The following CSMD1 variants were observed in gnomAD, a reference collection of about 807,000 sequenced individuals.
CSMD1 encodes CUB and sushi domain-containing protein 1.
A neutral mutation model predicts 417.5 loss-of-function variants in CSMD1; 213 were observed. The observed-to-expected ratio is 0.51, with a 90% confidence interval of 0.46 to 0.57. CSMD1 has a LOEUF of 0.57. CSMD1 is among the 20% of genes least tolerant of loss of function. CSMD1 has a pLI of 0.00. For synonymous variants in CSMD1, 2,862 were observed against 1,736.8 expected (o/e 1.65, Z -16.11); for missense variants, 6,923 against 4,529.7 (o/e 1.53, Z -15.17).
intron 3 of CSMD1, among the ~76,000 whole-genome samples, chr8:4,397,470 G>A (rs1396373482): frequency 6.7e-6 from 1 of 150,098 alleles, no homozygotes; most frequent in African/African-American, 2.5e-5. Context: ...TCTGTTGCAG[G>A]GTTTTCATGA....
At chr8:3,914,198 G>T (rs1005900310) in intron 5 of CSMD1, among the ~76,000 whole-genome samples, 3 of 152,218 alleles carry the variant, frequency 2.0e-5, no homozygotes, top group African/African-American at 7.2e-5. Context: ...CCCCCAAAAA[G>T]AGGTAAGTAA....
At chr8:3,180,301 G>T (rs1346102172) in intron 37 of CSMD1, among the ~76,000 whole-genome samples, 4 of 152,152 alleles carry the variant, frequency 2.6e-5, no homozygotes, top group Non-Finnish European at 4.4e-5. Context: ...AGAGTCGACT[G>T]TGCGATGCCT....
At chr8:3,629,823 C>T (rs75232787) in intron 7 of CSMD1, among the ~76,000 whole-genome samples, 4,036 of 152,222 alleles carry the variant, frequency 0.027, 82 homozygotes, top group Middle Eastern at 0.078. Context: ...AACTTCGGTC[C>T]GTCAGAAACA....
chr8:4,967,138 G>A (rs998687655), intron 1 of CSMD1, among the ~76,000 whole-genome samples: 3 of 152,100 alleles, frequency 2.0e-5, no homozygotes, highest in African/African-American at 7.2e-5. Flanking sequence ...TCATTCAAAG[G>A]AAGAGACTCC....
intron 3 of CSMD1, among the ~76,000 whole-genome samples, chr8:4,378,722 G>A (rs1312654175): frequency 6.6e-6 from 1 of 152,202 alleles, no homozygotes; most frequent in Admixed American, 6.5e-5. Flanking sequence ...GGTGGTCTTA[G>A]AAGGTGAGGC....
intron 59 of CSMD1, among the ~76,000 whole-genome samples, chr8:2,964,985 A>G (rs542952571): frequency 6.6e-6 from 1 of 152,230 alleles, no homozygotes; most frequent in South Asian, 2.1e-4. Flanking sequence ...TAAGGAGGAG[A>G]ATGCCATCTT....
intron 3 of CSMD1, among the ~76,000 whole-genome samples, chr8:4,358,955 CAG>C: frequency 9.2e-6 from 1 of 108,252 alleles, no homozygotes; most frequent in African/African-American, 5.0e-5. Context: ...ACTACACTTC[CAG>C]AGTCTTGTGC....
intron 1 of CSMD1, among the ~76,000 whole-genome samples, chr8:4,697,785 A>C (rs1019433618): frequency 4.6e-5 from 7 of 152,236 alleles, no homozygotes; most frequent in African/African-American, 1.7e-4. Flanking sequence ...CTGTGATAAA[A>C]TACACACACA....
At chr8:3,454,237 G>A (rs888551708) in intron 12 of CSMD1, among the ~76,000 whole-genome samples, 2 of 152,148 alleles carry the variant, frequency 1.3e-5, no homozygotes, top group African/African-American at 4.8e-5. Context: ...CCTGAATATA[G>A]CACACTGATG....
At chr8:4,435,406 A>T (rs954403744) in intron 2 of CSMD1, among the ~76,000 whole-genome samples, 2 of 152,190 alleles carry the variant, frequency 1.3e-5, no homozygotes, top group Non-Finnish European at 2.9e-5. Flanking sequence ...CACTCCAAAG[A>T]AGTCACCATG....
chr8:4,543,326 C>T (rs962101160), intron 2 of CSMD1, among the ~76,000 whole-genome samples: 1 of 152,128 alleles, frequency 6.6e-6, no homozygotes, highest in Non-Finnish European at 1.5e-5. Flanking sequence ...CCCCTGGCAA[C>T]CACCCATCCT....
At chr8:4,247,569 T>C (rs2063935872) in intron 3 of CSMD1, among the ~76,000 whole-genome samples, 1 of 152,184 alleles carries the variant, frequency 6.6e-6, no homozygotes, top group African/African-American at 2.4e-5. Flanking sequence ...TTCCGCATAA[T>C]ACCACCATTC....
intron 2 of CSMD1, among the ~76,000 whole-genome samples, chr8:4,565,393 C>T (rs1229654975): frequency 1.3e-5 from 2 of 152,110 alleles, no homozygotes; most frequent in Non-Finnish European, 2.9e-5. Flanking sequence ...CACTTAACCT[C>T]TTCATTTTAC....
intron 29 of CSMD1, among the ~76,000 whole-genome samples, chr8:3,218,946 T>A (rs1392392009): frequency 6.6e-6 from 1 of 152,204 alleles, no homozygotes; most frequent in Non-Finnish European, 1.5e-5. Context: ...TTATAAGGTG[T>A]TAAAACCCGT....
At chr8:2,989,133 C>T (rs1806170619) in intron 54 of CSMD1, among the ~76,000 whole-genome samples, 1 of 152,202 alleles carries the variant, frequency 6.6e-6, no homozygotes, top group Non-Finnish European at 1.5e-5. Context: ...AAAGCACACA[C>T]AGTAAGAATC....
intron 23 of CSMD1, among the ~76,000 whole-genome samples, chr8:3,319,137 C>G (rs1204032281): frequency 1.3e-5 from 2 of 152,074 alleles, no homozygotes; most frequent in Non-Finnish European, 2.9e-5. Flanking sequence ...AACTTCCTTG[C>G]TGAAAAGGCC....
chr8:4,883,804 A>AT (rs201248164), intron 1 of CSMD1, among the ~76,000 whole-genome samples: 2 of 151,934 alleles, frequency 1.3e-5, no homozygotes, highest in Non-Finnish European at 2.9e-5. Flanking sequence ...CACAAAAAAT[A>AT]TTTTTTTGTG....
chr8:4,882,684 T>A (rs1438252404), intron 1 of CSMD1, among the ~76,000 whole-genome samples: 2 of 151,968 alleles, frequency 1.3e-5, no homozygotes, highest in Non-Finnish European at 2.9e-5. Flanking sequence ...TTCCATTTGA[T>A]GTGCCGTTTA....
intron 3 of CSMD1, among the ~76,000 whole-genome samples, chr8:4,034,070 T>C (rs982874613): frequency 6.6e-6 from 1 of 152,254 alleles, no homozygotes; most frequent in African/African-American, 2.4e-5. Context: ...CCATTGTCTT[T>C]GCATCGGCAT....
Sources: allele counts gnomAD v4.1 joint callset (sites outside exome capture counted in the v4.1 genomes callset), GRCh38; gene constraint gnomAD v4.1.1; transcripts MANE v1.5; gene names NCBI Gene and HGNC (gene_info 2026-07-23, HGNC 2026-07-21).